The following ERICH1 variants were observed in gnomAD, a reference collection of about 807,000 sequenced individuals.
ERICH1 encodes glutamate rich 1.
Under a neutral mutation model 39.6 loss-of-function variants are expected in ERICH1, and 56 were observed. The observed-to-expected ratio is 1.41, with a 90% CI of 1.14 to 1.77. The LOEUF (loss-of-function observed/expected upper bound fraction) is 1.77, where lower values mean the gene tolerates loss of function less well. Among genes scored for constraint, ERICH1 ranks in the 40% most tolerant of loss-of-function variants. The probability of loss-of-function intolerance (pLI) is 0.00; values close to 1 mark genes in which losing one functional copy is unlikely to be tolerated. For missense variants in ERICH1, 826 were observed against 575.4 expected (o/e 1.44, Z -4.45); for synonymous variants, 313 against 223.6 (o/e 1.40, Z -3.57).
At position 673,515 on chromosome 8, in the gene ERICH1, C is replaced by T. The variant is rs1803928279; in HGVS notation, c.837G>A (p.Glu279=). The T allele has an allele frequency of 1.2e-6, 2 of 1,613,154 alleles. No individual in the cohort carries two copies. The highest frequency in any genetic ancestry group is 4.5e-5 in the East Asian group (2 of 44,842). ...AREEDGVDTI[E]EDLTRAGEED... ...CCTCCCCGGCCCGTGTCAGGTCTTC[C>T]TCAATGGTGTCCACACCGTCCTCCT... Residue 279 remains glutamate (E), a synonymous_variant, in exon 4 of 6, where the codon GAG becomes GAA. Coordinates refer to ENST00000262109, the MANE Select transcript of ERICH1 (RefSeq NM_207332.3).
intron 1 of ERICH1, among the ~76,000 whole-genome samples, chr8:717,061 G>C (rs1816179129): frequency 6.6e-6 from 1 of 152,328 alleles, no homozygotes; most frequent in South Asian, 2.1e-4. Context: ...TGAGCACAGA[G>C]CTCAGTGGGA....
chr8:662,697 G>C (rs1369063555), downstream of ERICH1, among the ~76,000 whole-genome samples: 6 of 152,176 alleles, frequency 3.9e-5, no homozygotes, highest in African/African-American at 1.2e-4. Context: ...TTAAACGGGA[G>C]GTTTGCAGGC....
chr8:681,219 C>T (rs941966980), intron 3 of ERICH1, among the ~76,000 whole-genome samples: 1 of 152,188 alleles, frequency 6.6e-6, no homozygotes, highest in African/African-American at 2.4e-5. Flanking sequence ...CCCTGCAGCG[C>T]TGCCCAGCCT....
intron 1 of ERICH1, 24 bp downstream of exon 1, chr8:731,115 AG>A: frequency 6.7e-7 from 1 of 1,490,360 alleles, no homozygotes; most frequent in Admixed American, 2.2e-5. Context: ...GGGTCTGGGC[AG>A]GCCTCCGCAC....
At chr8:671,746 G>A (rs1045183329) in intron 4 of ERICH1, 4 of 158,482 alleles carry the variant, frequency 2.5e-5, no homozygotes, top group Non-Finnish European at 5.3e-5. Context: ...GCGCTCACTG[G>A]GCTCCAGGCT....
intron 2 of ERICH1, among the ~76,000 whole-genome samples, chr8:697,561 C>T (rs913121302): frequency 6.6e-6 from 1 of 152,206 alleles, no homozygotes; most frequent in African/African-American, 2.4e-5. Flanking sequence ...GTCAAATCGT[C>T]CCCTCACCTG....
At chr8:712,223 A>G (rs180753331) in intron 2 of ERICH1, among the ~76,000 whole-genome samples, 3 of 152,354 alleles carry the variant, frequency 2.0e-5, no homozygotes, top group Non-Finnish European at 4.4e-5. Context: ...TTGAATGTGT[A>G]TATCAAGTTA....
intron 2 of ERICH1, among the ~76,000 whole-genome samples, chr8:700,139 GCACAGGCGCACAGA>G (rs1811579731): frequency 7.7e-6 from 1 of 129,714 alleles, no homozygotes; most frequent in East Asian, 2.4e-4. Flanking sequence ...GCACAGACCC[GCACAGGCGCACAGA>G]CCCGCACACG....
chr8:700,515 G>GGCGCACAGGCCCGCACAC (rs1554520437), intron 2 of ERICH1, among the ~76,000 whole-genome samples: 5 of 35,414 alleles, frequency 1.4e-4, no homozygotes, highest in African/African-American at 5.0e-4. Flanking sequence ...GGCCCGCACA[G>GGCGCACAGGCCCGCACAC]GCGCACAGGC....
chr8:679,421 A>C (rs1585239384), intron 3 of ERICH1, among the ~76,000 whole-genome samples: 1 of 50,634 alleles, frequency 2.0e-5, no homozygotes, highest in Non-Finnish European at 3.7e-5. Context: ...CCCAGCCCTC[A>C]CAAAAGCTCT....
chr8:616,716 ACACT>A, intron 3 of ERICH1: 2 of 407,100 alleles, frequency 4.9e-6, no homozygotes. Flanking sequence ...AGAGATAGAG[ACACT>A]CAGAGAGATA....
intron 3 of ERICH1, among the ~76,000 whole-genome samples, chr8:635,980 C>T (rs1037474250): frequency 6.6e-6 from 1 of 152,252 alleles, no homozygotes; most frequent in Non-Finnish European, 1.5e-5. Context: ...AGAAGGCCTC[C>T]GCCTCGGCAG....
At chr8:690,715 A>C (rs142463785) in intron 3 of ERICH1, among the ~76,000 whole-genome samples, 6 of 152,382 alleles carry the variant, frequency 3.9e-5, no homozygotes, top group East Asian at 1.9e-4. Context: ...CCTGAGTGTG[A>C]ATGCCCAGGG....
chr8:676,776 G>C (rs1019340419), intron 3 of ERICH1, among the ~76,000 whole-genome samples: 1 of 152,220 alleles, frequency 6.6e-6, no homozygotes, highest in Non-Finnish European at 1.5e-5. Context: ...GAACTATAAA[G>C]CTTGCCGCTG....
intron 3 of ERICH1, among the ~76,000 whole-genome samples, chr8:624,577 T>C (rs955101766): frequency 7.9e-5 from 12 of 152,188 alleles, no homozygotes; most frequent in Non-Finnish European, 1.5e-4. Context: ...CTGCAGGCTG[T>C]ACAGGAAGCA....
At chr8:661,628 T>C (rs1801435965), downstream of ERICH1, among the ~76,000 whole-genome samples, 1 of 152,228 alleles carries the variant, frequency 6.6e-6, no homozygotes, top group Non-Finnish European at 1.5e-5. Flanking sequence ...TTATCTAACT[T>C]CAAACACAGT....
intron 5 of ERICH1, chr8:666,131 A>T (rs1802197811): frequency 6.6e-6 from 1 of 152,236 alleles, no homozygotes; most frequent in Non-Finnish European, 1.5e-5. Flanking sequence ...GTGGCTTAAC[A>T]TAAATGTCTG....
At chr8:686,989 C>CTAAG (rs1807569712) in intron 3 of ERICH1, among the ~76,000 whole-genome samples, 3 of 152,284 alleles carry the variant, frequency 2.0e-5, no homozygotes, top group Admixed American at 6.5e-5. Context: ...TCTGGAAAGG[C>CTAAG]TAAGAGAAGT....
intron 4 of ERICH1, among the ~76,000 whole-genome samples, chr8:671,543 C>T (rs1461896634): frequency 2.1e-5 from 3 of 146,026 alleles, no homozygotes; most frequent in Non-Finnish European, 4.5e-5. Context: ...CTGAACCTGC[C>T]GGCCCTGGCT....
Sources: gnomAD v4.1 joint callset for allele counts (sites outside exome capture counted in the v4.1 genomes callset) on GRCh38, gnomAD v4.1.1 for gene constraint, MANE v1.5 for transcripts, NCBI Gene and HGNC (gene_info 2026-07-23, HGNC 2026-07-21) for gene names.